Variants in NR1H4 observed in about 807,000 individuals in gnomAD.
NR1H4 encodes nuclear receptor subfamily 1 group H member 4.
NR1H4 carries 23 observed loss-of-function variants against 58.5 expected under a neutral mutation model. The ratio of observed to expected loss-of-function variants is 0.39; its 90% CI spans 0.28 to 0.56. NR1H4 has a LOEUF of 0.56. Ranked by LOEUF, NR1H4 falls within the 20% of genes least tolerant of loss-of-function variation. The pLI is 0.58. For synonymous variants in NR1H4, 214 were observed against 198.0 expected (o/e 1.08, Z -0.68); for missense variants, 487 against 576.9 (o/e 0.84, Z 1.60).
chr12:100,493,575 A>T (rs529345353), intron 3 of NR1H4, among the ~76,000 whole-genome samples, 173 bp downstream of exon 3: 12 of 152,314 alleles, frequency 7.9e-5, no homozygotes, highest in African/African-American at 2.9e-4. Flanking sequence ...CGGACCTTGG[A>T]TTCATGGGAC....
At chr12:100,486,399 G>A (rs559459751) in intron 1 of NR1H4, among the ~76,000 whole-genome samples, 1 of 152,212 alleles carries the variant, frequency 6.6e-6, no homozygotes, top group African/African-American at 2.4e-5. Context: ...ACAAGGAGGA[G>A]GGAGAGAAAA....
At chr12:100,537,708 T>G (rs1365632483) in intron 8 of NR1H4, among the ~76,000 whole-genome samples, 12 of 152,186 alleles carry the variant, frequency 7.9e-5, no homozygotes, top group Non-Finnish European at 1.6e-4. Flanking sequence ...CTGCTTGTTT[T>G]TTTGTTTTTG....
In NR1H4 at chr12:100,493,415, G is replaced by A. The variant is rs760859932; in HGVS notation, c.79+13G>A. ...GAAAATTTATTTGGTAAGTTGTCAA[G>A]TTCATTTGAATATCAATAAGAACAA... is the stretch of plus-strand genomic sequence containing the variant. On this transcript the variant is annotated intron_variant, in intron 3 of 10. Coordinates refer to ENST00000392986, the MANE Select transcript of NR1H4 (RefSeq NM_001206979.2). 22 of 1,320,804 alleles carry A rather than the reference G, an allele frequency of 1.7e-5. No homozygotes were observed. The African/African-American group carries it at 3.2e-4, about 19-fold the overall frequency. The allele number at this position is 1,320,804 out of a possible 1,614,324, so 81.8% of individuals were successfully genotyped here. A position where few individuals can be genotyped will look rare whatever the true frequency, so the allele number is the denominator to read the frequency against.
intron 8 of NR1H4, among the ~76,000 whole-genome samples, chr12:100,538,979 AAGG>A (rs1165364227): frequency 6.6e-6 from 1 of 152,250 alleles, no homozygotes; most frequent in Non-Finnish European, 1.5e-5. Context: ...GAACTGGAAA[AAGG>A]AGATATTTTT....
intron 4 of NR1H4, among the ~76,000 whole-genome samples, chr12:100,520,549 T>A (rs1329113441): frequency 6.6e-6 from 1 of 152,138 alleles, no homozygotes; most frequent in African/African-American, 2.4e-5. Flanking sequence ...CATCTAGGGA[T>A]CAGGAAGTTG....
chr12:100,526,363 C>T (rs940503946), intron 4 of NR1H4, among the ~76,000 whole-genome samples: 3 of 152,120 alleles, frequency 2.0e-5, no homozygotes, highest in Non-Finnish European at 4.4e-5. Context: ...ATTGTATTTT[C>T]ATTTCCCTTT....
intron 8 of NR1H4, 33 bp from the exon 9 acceptor site, chr12:100,540,639 C>A: frequency 6.2e-7 from 1 of 1,607,222 alleles, no homozygotes. Flanking sequence ...ATTGTTACTC[C>A]TTGATACCAA....
chr12:100,481,339 A>G (rs1332437771), intron 1 of NR1H4, among the ~76,000 whole-genome samples: 1 of 152,252 alleles, frequency 6.6e-6, no homozygotes, highest in Non-Finnish European at 1.5e-5. Context: ...TGACTAATGT[A>G]CATAATGCGA....
At chr12:100,544,094 TACAA>T (rs1955001626) in intron 9 of NR1H4, among the ~76,000 whole-genome samples, 2 of 151,896 alleles carry the variant, frequency 1.3e-5, no homozygotes, top group South Asian at 2.1e-4. Flanking sequence ...CTACTAAAAA[TACAA>T]ACAATTAGTC....
At chr12:100,490,286 T>TA (rs1431297531) in intron 1 of NR1H4, among the ~76,000 whole-genome samples, 1 of 152,086 alleles carries the variant, frequency 6.6e-6, no homozygotes, top group Non-Finnish European at 1.5e-5. Context: ...TGGAAAATAT[T>TA]AAAAAACTGT....
rs141099018 is a variant in NR1H4 at position 100,558,306 on chromosome 12, G to A, written c.1079-3579G>A. ...GGAGGTTGCAGTGAGCCAAGATCAC[G>A]CCACTGCACTCCAGCCTGGGCAACA... On this transcript the variant is annotated intron_variant, in intron 9 of 10. Coordinates refer to ENST00000392986, the MANE Select transcript of NR1H4 (RefSeq NM_001206979.2). Among the ~76,000 whole-genome samples the A allele has an allele frequency of 8.1e-3, 1,008 of 124,032 alleles. 19 individuals carry two copies. Among genetic ancestry groups the A allele is most frequent in the African/African-American group, 0.029 (932 of 32,278 alleles). 81.4% of individuals were successfully genotyped at this position (124,032 alleles called of 152,430 possible).
chr12:100,503,459 A>T (rs776748418), intron 3 of NR1H4: 1 of 1,597,548 alleles, frequency 6.3e-7, no homozygotes, highest in Non-Finnish European at 8.5e-7. Context: ...CGCCGTCAGG[A>T]TTTTTCATGG....
At chr12:100,522,991 A>G (rs1319979054) in intron 4 of NR1H4, among the ~76,000 whole-genome samples, 1 of 152,168 alleles carries the variant, frequency 6.6e-6, no homozygotes, top group African/African-American at 2.4e-5. Flanking sequence ...TATCTTTGCA[A>G]TTGTGAATTG....
At chr12:100,541,048 A>G (rs749755267) in intron 9 of NR1H4, among the ~76,000 whole-genome samples, 1 of 152,230 alleles carries the variant, frequency 6.6e-6, no homozygotes. Context: ...CTGCACTAAG[A>G]TGAAGAGCCA....
chr12:100,473,878 G>C lies in NR1H4; in HGVS notation c.-371G>C, dbSNP rs115187690. On this transcript the variant is annotated 5_prime_UTR_variant, in exon 1 of 11. Transcript: ENST00000392986. ...CTGCTGCTAGCCCAGAAGGCCGCCT[G>C]TGATCATGCACAGTACACTGGAACT... 6.6e-6 allele frequency: 1 copy of C among 152,320 alleles called. No individual in the cohort carries two copies. The highest frequency in any genetic ancestry group is 6.5e-5 in the Admixed American group (1 of 15,276). The allele number at this position is 152,320 out of a possible 1,614,324, so 9.4% of individuals were successfully genotyped here.
intron 4 of NR1H4, among the ~76,000 whole-genome samples, chr12:100,528,473 G>T (rs1423099955): frequency 2.6e-5 from 4 of 152,076 alleles, no homozygotes; most frequent in Non-Finnish European, 5.9e-5. Flanking sequence ...CTACCCCAGG[G>T]ATCCCATTGG....
intron 1 of NR1H4, among the ~76,000 whole-genome samples, chr12:100,479,046 T>G (rs937906650): frequency 2.6e-5 from 4 of 152,200 alleles, no homozygotes; most frequent in Admixed American, 6.5e-5. Context: ...ATTTCCTTTT[T>G]GTATCCTTTG....
At chr12:100,533,764 G>A (rs1179632384) in intron 5 of NR1H4, among the ~76,000 whole-genome samples, 3 of 152,024 alleles carry the variant, frequency 2.0e-5, no homozygotes. Context: ...GATATTTCAT[G>A]GTTCTATAAA....
intron 9 of NR1H4, among the ~76,000 whole-genome samples, chr12:100,548,971 A>C (rs1955143462): frequency 6.6e-6 from 1 of 152,130 alleles, no homozygotes; most frequent in Non-Finnish European, 1.5e-5. Context: ...ATACAGATGG[A>C]TGTCATGCTC....
Sources: gnomAD v4.1 joint callset for allele counts (sites outside exome capture counted in the v4.1 genomes callset) on GRCh38, gnomAD v4.1.1 for gene constraint, MANE v1.5 for transcripts, NCBI Gene and HGNC (gene_info 2026-07-23, HGNC 2026-07-21) for gene names.